Variants in ZNF277 observed in about 807,000 individuals in gnomAD.
ZNF277 encodes nuclear receptor-interacting factor 4.
Under a neutral mutation model 60.7 loss-of-function variants are expected in ZNF277, and 55 were observed. The observed-to-expected ratio is 0.91, with a 90% CI of 0.73 to 1.13. The LOEUF is 1.13. Ranked by LOEUF, ZNF277 falls within the 50% of genes most tolerant of loss-of-function variation. ZNF277 has a pLI of 0.00. For missense variants in ZNF277, 510 were observed against 523.0 expected (o/e 0.98, Z 0.24); for synonymous variants, 178 against 179.3 (o/e 0.99, Z 0.06).
At chr7:112,337,179 C>T (rs1056169635) in intron 8 of ZNF277, among the ~76,000 whole-genome samples, 1 of 152,174 alleles carries the variant, frequency 6.6e-6, no homozygotes, top group Non-Finnish European at 1.5e-5. Flanking sequence ...TGCCAAGGAG[C>T]GGGGAAAGTG....
In ZNF277 at chr7:112,337,740, G is replaced by A; in HGVS notation, c.880G>A (p.Asp294Asn). 1 of 1,611,910 alleles carries A rather than the reference G, an allele frequency of 6.2e-7. No individual in the cohort carries two copies. Among genetic ancestry groups the A allele is most frequent in the Non-Finnish European group, 8.5e-7 (1 of 1,179,286 alleles). ...TCTTTTTTAATTCAGTGACTGGTCT[G>A]ATTGGGAAGAACACCCTGCCTCTGC... is the stretch of plus-strand genomic sequence containing the variant. ...LLDHQEDDWS[D>N]WEEHPASAVC... Residue 294 changes from aspartate (D) to asparagine (N), a missense_variant, in exon 9 of 12, where the codon GAT becomes AAT. Physicochemically the swap from Asp to Asn is conservative, Grantham distance 23 (BLOSUM62 1). Coordinates refer to ENST00000361822, the MANE Select transcript of ZNF277 (RefSeq NM_021994.3).
chr7:112,237,026 AAGT>A (rs1440057555), intron 1 of ZNF277, among the ~76,000 whole-genome samples: 1 of 152,178 alleles, frequency 6.6e-6, no homozygotes, highest in Non-Finnish European at 1.5e-5. Flanking sequence ...AGATCACATC[AAGT>A]ATCCTCTTTG....
At chr7:112,274,439 G>C (rs1380536697) in intron 1 of ZNF277, among the ~76,000 whole-genome samples, 2 of 152,146 alleles carry the variant, frequency 1.3e-5, no homozygotes, top group African/African-American at 2.4e-5. Flanking sequence ...TTAGAAGCAT[G>C]AGCCACAGCA....
At chr7:112,319,412 G>A (rs570878656) in intron 5 of ZNF277, among the ~76,000 whole-genome samples, 1 of 151,930 alleles carries the variant, frequency 6.6e-6, no homozygotes, top group East Asian at 1.9e-4. Context: ...CATCAGCAAT[G>A]TTTACAAATA....
rs763318279 is a variant in ZNF277 at position 112,296,287 on chromosome 7, A to C, written c.441A>C (p.Arg147Ser). ...TTTTACCAGAAGATAGAATTCTTAG[A>C]GAAGAGCTTCAGAAACAGAGACTGG... is the stretch of plus-strand genomic sequence containing the variant. ...CDVLPEDRIL[R>S]EELQKQRLRE... is the part of the protein sequence containing the mutation. The change falls in exon 4 of 12, where the codon AGA becomes AGC. Residue 147 changes from arginine (R) to serine (S), a missense_variant. By Grantham distance (110) the Arg-to-Ser change is moderately radical. Transcript: ENST00000361822. 41 of 1,589,718 alleles carry C rather than the reference A, an allele frequency of 2.6e-5. No homozygotes were observed. The South Asian group carries it at 3.9e-4, about 15-fold the overall frequency.
chr7:112,277,077 ATTTTTTTTT>A (rs59902516), intron 1 of ZNF277, among the ~76,000 whole-genome samples: 1 of 104,480 alleles, frequency 9.6e-6, no homozygotes, highest in African/African-American at 4.1e-5. Flanking sequence ...GAATCTGTTG[ATTTTTTTTT>A]TTTTTTTTTT....
chr7:112,250,977 A>G (rs371885643), intron 1 of ZNF277, among the ~76,000 whole-genome samples: 37 of 152,128 alleles, frequency 2.4e-4, no homozygotes, highest in African/African-American at 8.2e-4. Context: ...TTTTTCAACA[A>G]ATATCAACTT....
intron 1 of ZNF277, among the ~76,000 whole-genome samples, chr7:112,229,318 G>A (rs1467729501): frequency 6.6e-5 from 10 of 152,198 alleles, no homozygotes; most frequent in Non-Finnish European, 1.3e-4. Flanking sequence ...ATACAGAGTA[G>A]CGTAGTCTAG....
chr7:112,255,201 A>G (rs974302890), intron 1 of ZNF277, among the ~76,000 whole-genome samples: 3 of 152,152 alleles, frequency 2.0e-5, no homozygotes, highest in Non-Finnish European at 1.5e-5. Flanking sequence ...CATTCTTTTT[A>G]TGCTTAAACA....
intron 5 of ZNF277, among the ~76,000 whole-genome samples, chr7:112,324,821 T>C (rs1489297239): frequency 6.6e-6 from 1 of 152,154 alleles, no homozygotes; most frequent in Non-Finnish European, 1.5e-5. Context: ...TGCCACAGTA[T>C]GCCATCTGCA....
intron 1 of ZNF277, among the ~76,000 whole-genome samples, chr7:112,237,277 A>T (rs189949120): frequency 6.6e-6 from 1 of 152,300 alleles, no homozygotes; most frequent in East Asian, 1.9e-4. Flanking sequence ...AAAAGAATAG[A>T]TCACAAATTA....
chr7:112,258,938 AATTG>A (rs1343470748), intron 1 of ZNF277, among the ~76,000 whole-genome samples: 3 of 152,012 alleles, frequency 2.0e-5, no homozygotes, highest in Non-Finnish European at 4.4e-5. Context: ...CATGTTAGCA[AATTG>A]ATTTTCATTT....
chr7:112,288,067 G>A (rs980451709), intron 2 of ZNF277: 4 of 152,168 alleles, frequency 2.6e-5, no homozygotes, highest in Non-Finnish European at 5.9e-5. Flanking sequence ...TTCCAGAATA[G>A]ACTTGGCAAC....
At chr7:112,339,533 G>A (rs1793401215) in intron 9 of ZNF277, among the ~76,000 whole-genome samples, 1 of 152,176 alleles carries the variant, frequency 6.6e-6, no homozygotes, top group Non-Finnish European at 1.5e-5. Flanking sequence ...TGGCCAGGCT[G>A]GTCTCAAACT....
In ZNF277 at chr7:112,301,055, C is replaced by T. The variant is rs557300548; in HGVS notation, c.465+4744C>T. Among the ~76,000 whole-genome samples the T allele has an allele frequency of 9.2e-5, 14 of 152,156 alleles. No homozygotes were observed. In the South Asian group the frequency reaches 2.9e-3, roughly 32 times the overall value. On this transcript the variant is annotated intron_variant, in intron 4 of 11. Transcript: ENST00000361822. ...TAATTGATTAATAGTAACTGATTAT[C>T]TGTTAATATTAATAAATAACATAAA...
chr7:112,209,617 A>G lies in ZNF277; in HGVS notation c.91+2810A>G, dbSNP rs1436965560. On this transcript the variant is annotated intron_variant, in intron 1 of 11. Transcript: ENST00000361822. ...AGGAGAAATTAATGGTTGATTTTTT[A>G]TGTCATTTTTATAAGATAAAGTTGT... Among the ~76,000 whole-genome samples the G allele has an allele frequency of 7.2e-5, 11 of 152,292 alleles. No homozygotes were observed. In the East Asian group the frequency reaches 1.9e-3, roughly 27 times the overall value.
intron 1 of ZNF277, among the ~76,000 whole-genome samples, chr7:112,218,630 C>G (rs917994639): frequency 2.0e-5 from 3 of 152,200 alleles, no homozygotes; most frequent in Non-Finnish European, 2.9e-5. Flanking sequence ...TCCCCTCCCC[C>G]TAGCCCCTGG....
intron 2 of ZNF277, among the ~76,000 whole-genome samples, chr7:112,289,615 A>G (rs902111009): frequency 1.1e-4 from 17 of 152,270 alleles, no homozygotes; most frequent in Non-Finnish European, 4.4e-5. Flanking sequence ...ATGTGGTGAG[A>G]TCTGTTGATT....
intron 4 of ZNF277, among the ~76,000 whole-genome samples, chr7:112,310,477 G>C (rs942290728): frequency 3.4e-5 from 5 of 148,052 alleles, no homozygotes; most frequent in African/African-American, 5.2e-5. Context: ...GAGAGAGAGA[G>C]AGTGTGTGTG....
Sources: allele counts gnomAD v4.1 joint callset (sites outside exome capture counted in the v4.1 genomes callset), GRCh38; gene constraint gnomAD v4.1.1; transcripts MANE v1.5; gene names NCBI Gene and HGNC (gene_info 2026-07-23, HGNC 2026-07-21).